Variants in KCND3 observed in about 807,000 individuals in gnomAD.
The protein encoded by KCND3 is A-type voltage-gated potassium channel KCND3.
A neutral mutation model predicts 51.1 loss-of-function variants in KCND3; 9 were observed. The ratio of observed to expected loss-of-function variants is 0.18; its 90% confidence interval spans 0.11 to 0.31. The LOEUF (loss-of-function observed/expected upper bound fraction) is 0.31. KCND3 is among the 10% of genes least tolerant of loss of function. The pLI, the probability that KCND3 is intolerant of heterozygous loss-of-function variation, is 1.00. For synonymous variants in KCND3, 349 were observed against 368.0 expected, an observed-to-expected ratio of 0.95 and a Z score of 0.59; for missense variants, 526 against 903.8, an observed-to-expected ratio of 0.58 and a Z score of 5.36.
At chr1:111,819,462 C>A (rs576965533) in intron 2 of KCND3, among the ~76,000 whole-genome samples, 1 of 151,966 alleles carries the variant, frequency 6.6e-6, no homozygotes, top group African/African-American at 2.4e-5. Context: ...AGCAAGAGCT[C>A]GCTCATAAAT....
At chr1:111,779,047 A>G (rs1400044139) in intron 5 of KCND3, among the ~76,000 whole-genome samples, 2 of 152,192 alleles carry the variant, frequency 1.3e-5, no homozygotes, top group Non-Finnish European at 2.9e-5. Flanking sequence ...GAGAAAGTCT[A>G]TACATGAATA....
intron 2 of KCND3, among the ~76,000 whole-genome samples, chr1:111,871,076 TG>T (rs1326157964): frequency 6.6e-6 from 1 of 152,162 alleles, no homozygotes; most frequent in Non-Finnish European, 1.5e-5. Context: ...TGGGGGCATA[TG>T]TGAGGCACAT....
intron 2 of KCND3, among the ~76,000 whole-genome samples, chr1:111,980,943 C>A (rs10857916): frequency 0.23 from 35,190 of 151,994 alleles, 4,945 homozygotes; most frequent in Non-Finnish European, 0.3. Context: ...TCACAGTCAC[C>A]CAGGTCATTC....
chr1:111,780,559 G>A lies in KCND3; in HGVS notation c.1371+131C>T. The A allele has an allele frequency of 1.1e-6, 1 of 876,740 alleles. No individual in the cohort carries two copies. The highest frequency in any genetic ancestry group is 2.0e-5 in the Admixed American group (1 of 49,796). The allele number at this position is 876,740 out of a possible 1,614,324, so 54.3% of individuals were successfully genotyped here. ...GTGTGAATGGGGGGCTGCTACCTGG[G>A]GAAAGTTTGGAAACGTGTCCTCCTT... On this transcript the variant is annotated intron_variant, in intron 4 of 7. Coordinates refer to ENST00000302127, the MANE Select transcript of KCND3 (RefSeq NM_001378969.1). This position sits in a 1 kb window ranked among gnomAD's most constrained non-coding sequence, Gnocchi z 4.2.
intron 2 of KCND3, among the ~76,000 whole-genome samples, chr1:111,851,747 C>A (rs925438279): frequency 6.6e-6 from 1 of 152,236 alleles, no homozygotes; most frequent in Non-Finnish European, 1.5e-5. Context: ...TGGCACAATG[C>A]GAACACTCAG....
chr1:111,927,624 CTT>C (rs1671770093), intron 2 of KCND3, among the ~76,000 whole-genome samples: 1 of 152,198 alleles, frequency 6.6e-6, no homozygotes, highest in Non-Finnish European at 1.5e-5. Context: ...TCTTTCTTCT[CTT>C]TGCCTTCTCT....
At chr1:111,896,545 G>C (rs1670122505) in intron 2 of KCND3, among the ~76,000 whole-genome samples, 1 of 152,150 alleles carries the variant, frequency 6.6e-6, no homozygotes, top group African/African-American at 2.4e-5. Flanking sequence ...TGGGCTGGAG[G>C]CTACCTGTCA....
chr1:111,888,129 C>T (rs1400805684), intron 2 of KCND3, among the ~76,000 whole-genome samples: 1 of 152,178 alleles, frequency 6.6e-6, no homozygotes, highest in East Asian at 1.9e-4. Flanking sequence ...CCAGCTGGAG[C>T]CCTAACTGTG....
At chr1:111,861,956 C>T (rs1339599722) in intron 2 of KCND3, among the ~76,000 whole-genome samples, 2 of 152,224 alleles carry the variant, frequency 1.3e-5, no homozygotes, top group Admixed American at 6.5e-5. Flanking sequence ...TCCAACCCCA[C>T]ATCATCCACA....
At position 111,893,648 on chromosome 1, in the gene KCND3, G is replaced by A. The variant is rs546029543; in HGVS notation, c.1106+87973C>T. ...ACCCTCTGTTAGGTGCTCCCTGGGG[G>A]CCAGCCCTTCTCTTAGGAAGCCAAG... On this transcript the variant is annotated intron_variant, in intron 2 of 7. Coordinates refer to ENST00000302127, the MANE Select transcript of KCND3 (RefSeq NM_001378969.1). 2.6e-5 allele frequency among the ~76,000 whole-genome samples: 4 copies of A among 152,276 alleles called. No individual in the cohort carries two copies. In the South Asian group the frequency reaches 8.3e-4, roughly 32 times the overall value.
At chr1:111,820,740 G>A (rs1169907880) in intron 2 of KCND3, among the ~76,000 whole-genome samples, 1 of 152,172 alleles carries the variant, frequency 6.6e-6, no homozygotes, top group African/African-American at 2.4e-5. Context: ...ATGTAATCAA[G>A]TTAAGAGGAG....
intron 2 of KCND3, among the ~76,000 whole-genome samples, chr1:111,939,049 T>C (rs1672360842): frequency 6.6e-6 from 1 of 152,194 alleles, no homozygotes; most frequent in Admixed American, 6.5e-5. Context: ...AGGAAACTTA[T>C]TAGAAGAATC....
chr1:111,899,145 G>C (rs1359179496), intron 2 of KCND3, among the ~76,000 whole-genome samples: 2 of 152,120 alleles, frequency 1.3e-5, no homozygotes, highest in African/African-American at 2.4e-5. Flanking sequence ...GTGACTACAA[G>C]GGTCACTATC....
At chr1:111,903,356 A>AG (rs1249957159) in intron 2 of KCND3, among the ~76,000 whole-genome samples, 1 of 152,108 alleles carries the variant, frequency 6.6e-6, no homozygotes, top group Non-Finnish European at 1.5e-5. Flanking sequence ...GTAGTGGGGG[A>AG]GGGAAGATTT....
intron 6 of KCND3, 94 bp from the exon 7 acceptor site, chr1:111,777,367 G>A: frequency 7.2e-7 from 1 of 1,390,022 alleles, no homozygotes; most frequent in Non-Finnish European, 1.0e-6. Flanking sequence ...CTCTGTTCTG[G>A]ACCTTGAAGG....
chr1:111,778,537 T>A, intron 5 of KCND3, 45 bp from the exon 6 acceptor site: 1 of 1,577,358 alleles, frequency 6.3e-7, no homozygotes, highest in Non-Finnish European at 8.7e-7. Context: ...CCATTGATTG[T>A]ACATTCCAGC....
At chr1:111,815,672 T>TCTTGTTACATTGAGAACTGAGCCC in intron 2 of KCND3, among the ~76,000 whole-genome samples, 1 of 151,750 alleles carries the variant, frequency 6.6e-6, no homozygotes, top group South Asian at 2.1e-4. Flanking sequence ...AATTCGCACT[T>TCTTGTTACATTGAGAACTGAGCCC]CTTGTTACAT....
At chr1:111,973,015 C>T (rs796859949) in intron 2 of KCND3, among the ~76,000 whole-genome samples, 4 of 152,348 alleles carry the variant, frequency 2.6e-5, no homozygotes, top group African/African-American at 9.6e-5. Flanking sequence ...CTTGGTTATC[C>T]ATGCCACTGG....
chr1:111,847,403 C>T (rs187483690), intron 2 of KCND3, among the ~76,000 whole-genome samples: 1 of 152,020 alleles, frequency 6.6e-6, no homozygotes, highest in Non-Finnish European at 1.5e-5. Flanking sequence ...GCCTCTTATC[C>T]AAGATAAAAA....
Sources: gnomAD v4.1 joint callset for allele counts (sites outside exome capture counted in the v4.1 genomes callset) on GRCh38, gnomAD v4.1.1 for gene constraint, Gnocchi (gnomAD v3.1) non-coding constraint, MANE v1.5 for transcripts, NCBI Gene and HGNC (gene_info 2026-07-23, HGNC 2026-07-21) for gene names.